IMMP2L: variants seen among roughly 807,000 people sequenced by gnomAD.
The protein encoded by IMMP2L is inner mitochondrial membrane peptidase subunit 2.
Under a neutral mutation model 19.3 loss-of-function variants are expected in IMMP2L, and 18 were observed. The ratio of observed to expected loss-of-function variants is 0.93; its 90% confidence interval spans 0.64 to 1.38. IMMP2L has a LOEUF of 1.38. Among genes scored for constraint, IMMP2L ranks in the 40% most tolerant of loss-of-function variants. The pLI is 0.00. For synonymous variants in IMMP2L, 76 were observed against 73.0 expected (o/e 1.04, Z -0.21); for missense variants, 233 against 218.2 (o/e 1.07, Z -0.43).
intron 3 of IMMP2L, among the ~76,000 whole-genome samples, chr7:111,399,831 TC>T (rs1833254701): frequency 6.6e-6 from 1 of 152,146 alleles, no homozygotes; most frequent in Non-Finnish European, 1.5e-5. Context: ...GTCAAGGTTC[TC>T]CTTCTCCTTG....
intron 5 of IMMP2L, among the ~76,000 whole-genome samples, chr7:110,805,889 C>A (rs1801598358): frequency 6.6e-6 from 1 of 151,968 alleles, no homozygotes; most frequent in East Asian, 1.9e-4. Flanking sequence ...ATACCCCAAG[C>A]ACACAATTTA....
chr7:111,185,280 T>A (rs1308684203), intron 3 of IMMP2L, among the ~76,000 whole-genome samples: 3 of 152,156 alleles, frequency 2.0e-5, no homozygotes, highest in Non-Finnish European at 4.4e-5. Context: ...CAGCTCTACG[T>A]GGTAGCTGCA....
chr7:111,141,454 T>C (rs537190110), intron 3 of IMMP2L, among the ~76,000 whole-genome samples: 1 of 151,670 alleles, frequency 6.6e-6, no homozygotes, highest in African/African-American at 2.4e-5. Flanking sequence ...TTTTTTTGTA[T>C]AATTTTGTAT....
intron 3 of IMMP2L, among the ~76,000 whole-genome samples, chr7:111,218,479 T>A (rs1812193991): frequency 6.6e-6 from 1 of 151,556 alleles, no homozygotes; most frequent in African/African-American, 2.4e-5. Flanking sequence ...CCCATTACAA[T>A]GTTAAAGAGA....
At chr7:110,674,296 A>C (rs1792133386) in intron 5 of IMMP2L, among the ~76,000 whole-genome samples, 1 of 152,188 alleles carries the variant, frequency 6.6e-6, no homozygotes, top group Non-Finnish European at 1.5e-5. Context: ...CCATGATTCA[A>C]ATACCTCCCA....
intron 3 of IMMP2L, among the ~76,000 whole-genome samples, chr7:111,303,694 A>G (rs1822513466): frequency 6.6e-6 from 1 of 152,134 alleles, no homozygotes; most frequent in East Asian, 1.9e-4. Context: ...GTTTTTGAAT[A>G]TTAAGCTTCC....
Position 110,877,484 on chromosome 7 carries a change from A to G in IMMP2L, c.408+9109T>C, listed in dbSNP as rs963916859. ...GGGCAGGCACAAGATAATGAAAGGG[A>G]GAAAAAAATGACAGCCTGTGCCAAA... On this transcript the variant is annotated intron_variant, in intron 5 of 5. Coordinates refer to ENST00000405709, the MANE Select transcript of IMMP2L (RefSeq NM_032549.4). This position sits in a 1 kb window ranked among gnomAD's most constrained non-coding sequence, Gnocchi z 4.0. Among the ~76,000 whole-genome samples the G allele has an allele frequency of 3.3e-5, 5 of 152,126 alleles. No individual in the cohort carries two copies. The highest frequency in any genetic ancestry group is 1.2e-4 in the African/African-American group (5 of 41,432).
At chr7:110,702,209 A>G (rs1257832885) in intron 5 of IMMP2L, among the ~76,000 whole-genome samples, 1 of 152,080 alleles carries the variant, frequency 6.6e-6, no homozygotes, top group African/African-American at 2.4e-5. Flanking sequence ...TGCTGGGATT[A>G]TAAGTGTGGG....
At position 110,779,997 on chromosome 7, in the gene IMMP2L, G is replaced by A. The variant is rs902640065; in HGVS notation, c.408+106596C>T. On this transcript the variant is annotated intron_variant, in intron 5 of 5. Transcript: ENST00000405709. ...ACCATTGCTACAACCTTTTTAGCAC[G>A]GGTACTGTCACGAACATATCTTCTA... 5.3e-5 allele frequency among the ~76,000 whole-genome samples: 8 copies of A among 151,752 alleles called. No homozygotes were observed. The East Asian group carries it at 5.8e-4, about 11-fold the overall frequency.
intron 3 of IMMP2L, among the ~76,000 whole-genome samples, chr7:110,993,105 G>A (rs958441144): frequency 2.6e-5 from 4 of 152,134 alleles, no homozygotes; most frequent in Non-Finnish European, 2.9e-5. Flanking sequence ...GAAAGAGGTA[G>A]TACTACATCA....
At chr7:111,480,618 A>G (rs1842102060) in intron 3 of IMMP2L, among the ~76,000 whole-genome samples, 2 of 150,700 alleles carry the variant, frequency 1.3e-5, no homozygotes, top group Middle Eastern at 3.5e-3. Flanking sequence ...AAAAAAAAAA[A>G]AAAACTGGAA....
rs182576763 is a variant in IMMP2L at position 111,187,778 on chromosome 7, C to G, written c.240-224213G>C. ...GCACACAGGTTATTTACAGAGGAAA[C>G]TGAAGCACAGAGACCTTGAATCACC... is the stretch of plus-strand genomic sequence containing the variant. On this transcript the variant is annotated intron_variant, in intron 3 of 5. Coordinates refer to ENST00000405709, the MANE Select transcript of IMMP2L (RefSeq NM_032549.4). Among the ~76,000 whole-genome samples the G allele has an allele frequency of 7.2e-4, 109 of 152,222 alleles. No individual in the cohort carries two copies. The Middle Eastern group carries it at 0.01, about 14-fold the overall frequency.
chr7:110,840,583 G>C (rs910826563), intron 5 of IMMP2L, among the ~76,000 whole-genome samples: 1 of 152,046 alleles, frequency 6.6e-6, no homozygotes, highest in Non-Finnish European at 1.5e-5. Flanking sequence ...AAATTACATG[G>C]AATAACTTGT....
At chr7:111,556,603 T>C (rs1331551821) in intron 1 of IMMP2L, among the ~76,000 whole-genome samples, 1 of 88,618 alleles carries the variant, frequency 1.1e-5, no homozygotes, top group Non-Finnish European at 2.7e-5. Context: ...CAGTGACTTC[T>C]AACAGTCATT....
intron 2 of IMMP2L, among the ~76,000 whole-genome samples, chr7:111,501,445 A>T (rs1054572540): frequency 3.3e-5 from 5 of 152,292 alleles, no homozygotes; most frequent in South Asian, 2.1e-4. Flanking sequence ...AAGGCAGGCC[A>T]ACATTCAAAT....
chr7:111,300,456 A>G (rs1822103191), intron 3 of IMMP2L, among the ~76,000 whole-genome samples: 1 of 152,166 alleles, frequency 6.6e-6, no homozygotes, highest in African/African-American at 2.4e-5. Flanking sequence ...TAGAGATCCC[A>G]TGTACTCTCT....
intron 3 of IMMP2L, among the ~76,000 whole-genome samples, chr7:111,235,685 C>A (rs755509517): frequency 8.6e-5 from 13 of 151,800 alleles, no homozygotes; most frequent in Non-Finnish European, 1.6e-4. Context: ...GTATCATCTT[C>A]TTGTGCTTGG....
chr7:111,523,140 T>G (rs1046521492), intron 1 of IMMP2L, among the ~76,000 whole-genome samples: 7 of 151,268 alleles, frequency 4.6e-5, no homozygotes, highest in Admixed American at 4.6e-4. Context: ...GGAGGAGAGG[T>G]TGGGGAGATG....
At position 111,117,657 on chromosome 7, in the gene IMMP2L, G is replaced by A. The variant is rs1800049857; in HGVS notation, c.240-154092C>T. On this transcript the variant is annotated intron_variant, in intron 3 of 5. Transcript: ENST00000405709. ...TAATTCAACAATACCTCTGGGATAT[G>A]GAACCTTCAATTAGAACTAAAGAAA... is the stretch of plus-strand genomic sequence containing the variant. 2.0e-5 allele frequency among the ~76,000 whole-genome samples: 3 copies of A among 152,108 alleles called. No individual in the cohort carries two copies. The South Asian group carries it at 6.2e-4, about 32-fold the overall frequency.
Sources: allele counts gnomAD v4.1 joint callset (sites outside exome capture counted in the v4.1 genomes callset), GRCh38; gene constraint gnomAD v4.1.1; non-coding constraint Gnocchi (gnomAD v3.1); transcripts MANE v1.5; gene names NCBI Gene and HGNC (gene_info 2026-07-23, HGNC 2026-07-21).